The following FMNL2 variants were observed in gnomAD, a reference collection of about 807,000 sequenced individuals.
The protein encoded by FMNL2 is formin like 2, also known as formin-like protein 2.
Under a neutral mutation model 130.2 loss-of-function variants are expected in FMNL2, and 51 were observed. That is an observed-to-expected ratio of 0.39 (90% CI 0.31 to 0.49). FMNL2 has a LOEUF of 0.49. Among genes scored for constraint, FMNL2 ranks in the 20% least tolerant of loss-of-function variants. The pLI is 0.85. For missense variants in FMNL2, 977 were observed against 1,316.2 expected, an observed-to-expected ratio of 0.74 and a Z score of 3.99; for synonymous variants, 465 against 467.1, an observed-to-expected ratio of 1.00 and a Z score of 0.06.
chr2:152,338,818 G>GACACACACACACACACACAC (rs767062578), intron 1 of FMNL2, among the ~76,000 whole-genome samples: 26 of 60,320 alleles, frequency 4.3e-4, no homozygotes, highest in African/African-American at 1.0e-3. Context: ...TGGAAGGTGA[G>GACACACACACACACACACAC]ATACACACAC....
chr2:152,399,963 A>G (rs1685596585), intron 1 of FMNL2, among the ~76,000 whole-genome samples: 1 of 152,092 alleles, frequency 6.6e-6, no homozygotes, highest in South Asian at 2.1e-4. Flanking sequence ...TCCTGGGGAA[A>G]GTGGTGTGAC....
chr2:152,516,521 G>T (rs1347188157), intron 1 of FMNL2, among the ~76,000 whole-genome samples: 4 of 152,126 alleles, frequency 2.6e-5, no homozygotes, highest in Non-Finnish European at 4.4e-5. Flanking sequence ...ATAAAATCTG[G>T]TGACTGAATG....
chr2:152,612,172 G>T (rs1698718355), intron 11 of FMNL2, among the ~76,000 whole-genome samples: 1 of 152,196 alleles, frequency 6.6e-6, no homozygotes, highest in Non-Finnish European at 1.5e-5. Flanking sequence ...CCTTGCAGAA[G>T]AGTTTAGCCA....
At chr2:152,452,700 C>A (rs1225922989) in intron 1 of FMNL2, among the ~76,000 whole-genome samples, 2 of 151,838 alleles carry the variant, frequency 1.3e-5, no homozygotes, top group Admixed American at 1.3e-4. Flanking sequence ...AACCGAGCAA[C>A]TCCTTTGCTG....
At chr2:152,639,776 A>T (rs533553887) in intron 23 of FMNL2, among the ~76,000 whole-genome samples, 182 bp from the exon 24 acceptor site, 1 of 152,254 alleles carries the variant, frequency 6.6e-6, no homozygotes, top group East Asian at 1.9e-4. Flanking sequence ...GCTTTTAAAG[A>T]GATGTGACAG....
intron 1 of FMNL2, among the ~76,000 whole-genome samples, chr2:152,405,891 ATATAT>A (rs1685953797): frequency 6.6e-6 from 1 of 152,250 alleles, no homozygotes; most frequent in African/African-American, 2.4e-5. Context: ...TTAAAACTAC[ATATAT>A]TATAACATAG....
intron 1 of FMNL2, among the ~76,000 whole-genome samples, chr2:152,478,050 G>T (rs1690252057): frequency 6.6e-6 from 1 of 151,388 alleles, no homozygotes; most frequent in Non-Finnish European, 1.5e-5. Flanking sequence ...TTAAATAGCA[G>T]AATCTTTGTT....
At chr2:152,616,534 G>A (rs1370831618) in intron 12 of FMNL2, among the ~76,000 whole-genome samples, 13 of 151,974 alleles carry the variant, frequency 8.6e-5, no homozygotes, top group Non-Finnish European at 1.2e-4. Context: ...GTTTCACCAT[G>A]TTGGCCAGGC....
intron 1 of FMNL2, among the ~76,000 whole-genome samples, chr2:152,487,528 G>A (rs972238985): frequency 6.6e-6 from 1 of 152,150 alleles, no homozygotes; most frequent in African/African-American, 2.4e-5. Context: ...TAGGAAGTAA[G>A]CTAAGAATAA....
intron 1 of FMNL2, among the ~76,000 whole-genome samples, chr2:152,408,148 C>G (rs1250730367): frequency 6.6e-6 from 1 of 152,196 alleles, no homozygotes; most frequent in Non-Finnish European, 1.5e-5. Flanking sequence ...TTACTTAACA[C>G]AGAGCCTTGG....
At chr2:152,376,382 G>T (rs1390201729) in intron 1 of FMNL2, among the ~76,000 whole-genome samples, 1 of 152,216 alleles carries the variant, frequency 6.6e-6, no homozygotes, top group Admixed American at 6.5e-5. Flanking sequence ...GTTGCTAGCT[G>T]AGGCTTCTAG....
At chr2:152,626,377 C>A in intron 16 of FMNL2, 148 bp from the exon 17 acceptor site, 2 of 681,482 alleles carry the variant, frequency 2.9e-6, no homozygotes, top group Non-Finnish European at 5.0e-6. Context: ...TGTACTATAA[C>A]AAAAACAAGA....
intron 2 of FMNL2, among the ~76,000 whole-genome samples, chr2:152,531,386 C>A (rs1434562586): frequency 6.6e-6 from 1 of 152,056 alleles, no homozygotes; most frequent in African/African-American, 2.4e-5. Flanking sequence ...TTTGCTTAAT[C>A]ATGGGATCTG....
At chr2:152,373,537 A>T (rs1269037830) in intron 1 of FMNL2, among the ~76,000 whole-genome samples, 1 of 152,216 alleles carries the variant, frequency 6.6e-6, no homozygotes, top group Non-Finnish European at 1.5e-5. Flanking sequence ...CAAGTCTCTG[A>T]TATAAAGTGG....
chr2:152,485,771 T>A (rs968480740), intron 1 of FMNL2, among the ~76,000 whole-genome samples: 6 of 152,218 alleles, frequency 3.9e-5, no homozygotes, highest in African/African-American at 1.4e-4. Context: ...TAGCGGCATC[T>A]CCATTTCGCC....
At chr2:152,401,243 G>A (rs1213185736) in intron 1 of FMNL2, among the ~76,000 whole-genome samples, 1 of 152,218 alleles carries the variant, frequency 6.6e-6, no homozygotes, top group Non-Finnish European at 1.5e-5. Context: ...AAGTCCCTAT[G>A]TAGTTCTTCA....
At chr2:152,639,837 CTCAACCT>C in intron 23 of FMNL2, 114 bp from the exon 24 acceptor site, 3 of 639,706 alleles carry the variant, frequency 4.7e-6, no homozygotes, top group Non-Finnish European at 7.0e-6. Context: ...TGTAGATCTT[CTCAACCT>C]TCCATTTATT....
chr2:152,432,044 CCT>C (rs1192958964), intron 1 of FMNL2, among the ~76,000 whole-genome samples: 2 of 142,788 alleles, frequency 1.4e-5, no homozygotes, highest in African/African-American at 5.3e-5. Context: ...ATATTTTATT[CCT>C]CTCTCTGTTA....
intron 1 of FMNL2, among the ~76,000 whole-genome samples, chr2:152,377,486 A>G (rs1021065610): frequency 6.6e-6 from 1 of 152,262 alleles, no homozygotes; most frequent in Non-Finnish European, 1.5e-5. Flanking sequence ...AACCAGTCAT[A>G]TGTAGCTATT....
Sources: allele counts gnomAD v4.1 joint callset (sites outside exome capture counted in the v4.1 genomes callset), GRCh38; gene constraint gnomAD v4.1.1; transcripts MANE v1.5; gene names NCBI Gene and HGNC (gene_info 2026-07-23, HGNC 2026-07-21).